The following SEC24D variants were observed in gnomAD, a reference collection of about 807,000 sequenced individuals.
SEC24D encodes the protein SEC24 homolog D, COPII component.
SEC24D carries 69 observed loss-of-function variants against 116.9 expected under a neutral mutation model. The observed-to-expected ratio is 0.59, with a 90% CI of 0.49 to 0.72. SEC24D has a LOEUF of 0.72. Among genes scored for constraint, SEC24D ranks in the 30% least tolerant of loss-of-function variants. SEC24D has a pLI of 0.00. For synonymous variants in SEC24D, 405 were observed against 442.8 expected (o/e 0.91, Z 1.07); for missense variants, 1,131 against 1,264.1 (o/e 0.89, Z 1.60).
chr4:118,744,421 A>AGC (rs1726392827), intron 14 of SEC24D, among the ~76,000 whole-genome samples: 1 of 152,208 alleles, frequency 6.6e-6, no homozygotes, highest in South Asian at 2.1e-4. Context: ...ATCCTAATGG[A>AGC]GCTGATACTG....
At chr4:118,776,232 C>T (rs1331543297) in intron 8 of SEC24D, among the ~76,000 whole-genome samples, 3 of 152,074 alleles carry the variant, frequency 2.0e-5, no homozygotes. Flanking sequence ...GTGTGATGAA[C>T]CCTAATGTGC....
intron 22 of SEC24D, among the ~76,000 whole-genome samples, chr4:118,728,090 C>A (rs1451529861): frequency 6.6e-6 from 1 of 152,062 alleles, no homozygotes; most frequent in Non-Finnish European, 1.5e-5. Context: ...ATATAATTTT[C>A]TTGGGTTCTA....
At chr4:118,731,007 T>G (rs1213926398) in intron 21 of SEC24D, 1 of 329,142 alleles carries the variant, frequency 3.0e-6, no homozygotes, top group Non-Finnish European at 5.8e-6. Flanking sequence ...ATCTCACTGA[T>G]TTGTTATGAC....
At chr4:118,727,261 C>A (rs1448999600) in intron 22 of SEC24D, among the ~76,000 whole-genome samples, 1 of 152,172 alleles carries the variant, frequency 6.6e-6, no homozygotes, top group Non-Finnish European at 1.5e-5. Context: ...ATAAGAAAAT[C>A]TGATTCTTTA....
In SEC24D at chr4:118,820,573, C is replaced by A. The variant is rs553204032; in HGVS notation, c.249-3161G>T. Among the ~76,000 whole-genome samples, 11 of 152,100 alleles carry A rather than the reference C, an allele frequency of 7.2e-5. No homozygotes were observed. In the East Asian group the frequency reaches 1.9e-3, roughly 27 times the overall value. Reference sequence around the variant, plus strand: ...AGGTCCTCCTGCCCTAGTGTAGAAACCTGGTGTGTAACTATAGGTAAGCCA... The same window carrying A: ...AGGTCCTCCTGCCCTAGTGTAGAAAACTGGTGTGTAACTATAGGTAAGCCA... On this transcript the variant is annotated intron_variant, in intron 3 of 22. Transcript: ENST00000280551.
At chr4:118,834,491 T>A (rs901986800) in intron 1 of SEC24D, among the ~76,000 whole-genome samples, 13 of 152,080 alleles carry the variant, frequency 8.5e-5, no homozygotes, top group Admixed American at 2.0e-4. Flanking sequence ...TGATTTTTTT[T>A]AAATCTTGAT....
At chr4:118,771,325 G>A (rs965065693) in intron 8 of SEC24D, among the ~76,000 whole-genome samples, 1 of 151,992 alleles carries the variant, frequency 6.6e-6, no homozygotes, top group African/African-American at 2.4e-5. Context: ...ATCCCTGTCT[G>A]CCCTTTCTTT....
Position 118,792,276 on chromosome 4 carries a change from G to A in SEC24D, c.1041+5407C>T, listed in dbSNP as rs569543992. Among the ~76,000 whole-genome samples, 511 of 149,976 alleles carry A rather than the reference G, an allele frequency of 3.4e-3. 3 individuals are homozygous for A. The highest frequency in any genetic ancestry group is 0.012 in the African/African-American group (482 of 40,816). ...AGCCGCCCCGTCCGGGAGGTGGGGG[G>A]CAGCCCCCGCCCGGCCAGCTGCCCC... On this transcript the variant is annotated intron_variant, in intron 8 of 22. Transcript: ENST00000280551.
At chr4:118,766,189 C>A (rs1727636107) in intron 9 of SEC24D, among the ~76,000 whole-genome samples, 1 of 152,106 alleles carries the variant, frequency 6.6e-6, no homozygotes, top group Admixed American at 6.6e-5. Flanking sequence ...TATTCATTAG[C>A]ATTTAATATT....
intron 10 of SEC24D, among the ~76,000 whole-genome samples, chr4:118,760,234 C>G (rs962824836): frequency 2.0e-5 from 3 of 152,188 alleles, no homozygotes; most frequent in African/African-American, 4.8e-5. Context: ...TAAGTGCACT[C>G]ACAATGCTGT....
At chr4:118,764,637 G>A (rs1727549971) in intron 10 of SEC24D, 165 bp downstream of exon 10, 3 of 511,144 alleles carry the variant, frequency 5.9e-6, no homozygotes, top group Non-Finnish European at 6.9e-6. Flanking sequence ...GTTGAATCAT[G>A]TTAACAACCT....
intron 1 of SEC24D, among the ~76,000 whole-genome samples, chr4:118,834,340 C>T (rs1408194956): frequency 6.6e-6 from 1 of 152,184 alleles, no homozygotes; most frequent in Admixed American, 6.5e-5. Flanking sequence ...AGTGGTTTTT[C>T]AAAGGCGACA....
chr4:118,755,147 A>G (rs1390088499), intron 11 of SEC24D, among the ~76,000 whole-genome samples: 1 of 152,138 alleles, frequency 6.6e-6, no homozygotes, highest in African/African-American at 2.4e-5. Flanking sequence ...TTGTTTGAGA[A>G]ACAGAACTGT....
intron 7 of SEC24D, among the ~76,000 whole-genome samples, chr4:118,801,118 C>T (rs533427528): frequency 1.3e-5 from 2 of 152,122 alleles, no homozygotes; most frequent in East Asian, 1.9e-4. Flanking sequence ...AAAAATCAGC[C>T]GGGCATGGTG....
intron 21 of SEC24D, chr4:118,731,068 T>C (rs1725661563): frequency 1.1e-5 from 5 of 462,316 alleles, no homozygotes; most frequent in Non-Finnish European, 2.0e-5. Flanking sequence ...GACTGGCACA[T>C]AGTTAATGAT....
At chr4:118,780,913 T>A (rs1221721007) in intron 8 of SEC24D, among the ~76,000 whole-genome samples, 12 of 133,486 alleles carry the variant, frequency 9.0e-5, no homozygotes, top group African/African-American at 3.3e-4. Context: ...CCTGCTTTTT[T>A]TTTTTTTTTT....
intron 2 of SEC24D, among the ~76,000 whole-genome samples, chr4:118,828,051 G>A (rs1356531386): frequency 6.6e-6 from 1 of 151,878 alleles, no homozygotes; most frequent in Non-Finnish European, 1.5e-5. Flanking sequence ...ACCTATATAA[G>A]CTCACTATTA....
intron 8 of SEC24D, among the ~76,000 whole-genome samples, chr4:118,778,239 G>T (rs1310159643): frequency 6.6e-6 from 1 of 152,140 alleles, no homozygotes; most frequent in African/African-American, 2.4e-5. Flanking sequence ...TATGGTTTTA[G>T]GTCTAACATT....
At chr4:118,818,407 G>T (rs115730321) in intron 3 of SEC24D, among the ~76,000 whole-genome samples, 1,830 of 152,264 alleles carry the variant, frequency 0.012, 25 homozygotes, top group Non-Finnish European at 0.019. Context: ...ATTTATTTGT[G>T]ACAACACTAG....
Sources: allele counts gnomAD v4.1 joint callset (sites outside exome capture counted in the v4.1 genomes callset), GRCh38; gene constraint gnomAD v4.1.1; transcripts MANE v1.5; gene names NCBI Gene and HGNC (gene_info 2026-07-23, HGNC 2026-07-21).